Variants in AIRE observed in about 807,000 individuals in gnomAD.
The protein encoded by AIRE is autoimmune regulator, also known as autoimmune polyendocrinopathy candidiasis ectodermal dystrophy protein.
AIRE carries 52 observed loss-of-function variants against 62.1 expected under a neutral mutation model. The ratio of observed to expected loss-of-function variants is 0.84; its 90% confidence interval spans 0.67 to 1.06. AIRE has a LOEUF of 1.06. Among genes scored for constraint, AIRE ranks in the 50% least tolerant of loss-of-function variants. The pLI is 0.00. For missense variants in AIRE, 774 were observed against 755.8 expected (o/e 1.02, Z -0.28); for synonymous variants, 342 against 321.6 (o/e 1.06, Z -0.68).
chr21:44,287,093 C>T lies in AIRE; in HGVS notation c.423C>T (p.Ala141=), dbSNP rs572002344. The change falls in exon 3 of 14, where the codon GCC becomes GCT. Residue 141 remains alanine (A), a synonymous_variant. Transcript: ENST00000291582. This position sits in a 1 kb window ranked among gnomAD's most constrained non-coding sequence, Gnocchi z 4.3. ...AGGCCTCAGAAGAGGCTCGAGCTGC[C>T]GCGCCAGCAGCCCTGACTCCAAGGG... ...KRKASEEARA[A]APAALTPRGT... is the part of the protein sequence containing the mutation. 20 of 1,612,532 alleles carry T rather than the reference C, an allele frequency of 1.2e-5. No homozygotes were observed. Among genetic ancestry groups the T allele is most frequent in the African/African-American group, 8.0e-5 (6 of 75,028 alleles).
intron 13 of AIRE, among the ~76,000 whole-genome samples, chr21:44,296,663 C>T (rs1337636898): frequency 6.6e-6 from 1 of 150,790 alleles, no homozygotes. Flanking sequence ...GGAGCCCCCC[C>T]CGGCCCCTCC....
intron 13 of AIRE, 58 bp downstream of exon 13, chr21:44,296,503 G>A: frequency 6.6e-7 from 1 of 1,515,312 alleles, no homozygotes; most frequent in Non-Finnish European, 9.2e-7. Flanking sequence ...GCCTCAGCCG[G>A]CACCCAGGCT....
At chr21:44,292,177 G>A in intron 8 of AIRE, 125 bp from the exon 9 acceptor site, 1 of 790,186 alleles carries the variant, frequency 1.3e-6, no homozygotes, top group Non-Finnish European at 2.2e-6. Flanking sequence ...CCATCTCTCT[G>A]CTGTGCCTCG....
At chr21:44,292,202 A>G in intron 8 of AIRE, 100 bp from the exon 9 acceptor site, 1 of 961,942 alleles carries the variant, frequency 1.0e-6, no homozygotes, top group Non-Finnish European at 1.6e-6. Context: ...CCCCTCTGTG[A>G]AAAGACATGG....
intron 12 of AIRE, among the ~76,000 whole-genome samples, chr21:44,295,258 G>A (rs984289807): frequency 1.3e-5 from 2 of 152,196 alleles, no homozygotes; most frequent in African/African-American, 2.4e-5. Flanking sequence ...TACACCGTGT[G>A]GGTGACAGGC....
At position 44,298,346 on chromosome 21, in the gene AIRE, C is replaced by CA. The variant is rs778513360; in HGVS notation, c.*619_*620insA. On this transcript the variant is annotated 3_prime_UTR_variant, in exon 14 of 14. Transcript: ENST00000291582. Reference sequence around the variant, plus strand: ...TCCACTCTACTTTCTGTCTCTATGACTTCTCCAGGGACCTCATGGAAGTGG... The same window carrying CA: ...TCCACTCTACTTTCTGTCTCTATGACATTCTCCAGGGACCTCATGGAAGTGG... The CA allele has an allele frequency of 2.7e-4, 45 of 165,956 alleles. No homozygotes were observed. Among genetic ancestry groups the CA allele is most frequent in the African/African-American group, 7.0e-4 (29 of 41,714 alleles). The allele number at this position is 165,956 out of a possible 1,614,324, so 10.3% of individuals were successfully genotyped here.
At chr21:44,290,877 T>C (rs954417560) in intron 7 of AIRE, 14 of 1,606,056 alleles carry the variant, frequency 8.7e-6, no homozygotes, top group Admixed American at 1.7e-5. Context: ...TTCTTCCCAA[T>C]AGGGATGGCC....
chr21:44,295,820 C>T (rs140743143), intron 12 of AIRE, among the ~76,000 whole-genome samples: 57 of 152,090 alleles, frequency 3.7e-4, no homozygotes, highest in African/African-American at 1.1e-3. Flanking sequence ...CCGGGCAGCC[C>T]CTCCCTCAGC....
At chr21:44,290,748 C>T (rs984162166) in intron 7 of AIRE, 25 of 1,428,044 alleles carry the variant, frequency 1.8e-5, no homozygotes, top group Admixed American at 5.6e-5. Flanking sequence ...ATTCAGCAGG[C>T]GCTGAGGTCG....
In AIRE at chr21:44,287,014, C is replaced by A; in HGVS notation, c.344C>A (p.Pro115His). Residue 115 changes from proline to histidine, a missense_variant, in exon 3 of 14, where the codon CCC becomes CAC. Pro to His is a moderately conservative substitution (Grantham distance 77, BLOSUM62 -2). This residue lies in a region of AIRE where 385 missense variants were observed against 396.0 expected (regional missense o/e 0.97). Transcript: ENST00000291582. The surrounding 1 kb of genome is among the most constrained non-coding windows in gnomAD (Gnocchi z 4.3). ...DLSQPRKGRK[P>H]PAVPKALVPP... ...AGCCAGCCCCGGAAGGGGAGGAAGC[C>A]CCCGGCCGTCCCCAAGGCTTTGGTA... The A allele has an allele frequency of 3.1e-6, 5 of 1,612,826 alleles. No homozygotes were observed. Among genetic ancestry groups the A allele is most frequent in the Non-Finnish European group, 4.2e-6 (5 of 1,179,992 alleles).
At chr21:44,289,833 G>C (rs376612841) in intron 6 of AIRE, 31 bp downstream of exon 6, 14 of 1,611,758 alleles carry the variant, frequency 8.7e-6, no homozygotes, top group Non-Finnish European at 1.2e-5. Flanking sequence ...GGGGAGCCTG[G>C]CTCTTGATGC....
chr21:44,289,452 A>ACTT, intron 5 of AIRE: 1 of 631,912 alleles, frequency 1.6e-6, no homozygotes, highest in East Asian at 2.8e-5. Context: ...GTGGACGTGA[A>ACTT]CTTCGGGGGA....
chr21:44,295,304 C>T (rs2040594654), intron 12 of AIRE, among the ~76,000 whole-genome samples: 1 of 152,020 alleles, frequency 6.6e-6, no homozygotes, highest in Non-Finnish European at 1.5e-5. Flanking sequence ...GGGTGACAGC[C>T]TACCCCAGCG....
rs764314545 is a variant in AIRE, at chr21:44,296,457, C to T, written c.1566+12C>T. 8.9e-5 allele frequency: 144 copies of T among 1,610,014 alleles called. No homozygotes were observed. The highest frequency in any genetic ancestry group is 1.1e-4 in the Non-Finnish European group (134 of 1,177,688). ...CCCTTCTGAGCGAGGTAACGCCTCC[C>T]CTGGCCTCCTGGTGCTCCTCCACTC... On this transcript the variant is annotated intron_variant, in intron 13 of 13. Coordinates refer to ENST00000291582, the MANE Select transcript of AIRE (RefSeq NM_000383.4).
In AIRE at chr21:44,297,581, T is replaced by C. The variant is rs953689870; in HGVS notation, c.1567-75T>C. ...AGAGGGAAGGTTGGATGGTGACTTC[T>C]TGTAACGATGGCCATGATTCTGTGG... On this transcript the variant is annotated intron_variant, in intron 13 of 13. Coordinates refer to ENST00000291582, the MANE Select transcript of AIRE (RefSeq NM_000383.4). This position sits in a 1 kb window ranked among gnomAD's most constrained non-coding sequence, Gnocchi z 4.8. The C allele has an allele frequency of 1.5e-6, 2 of 1,371,850 alleles. No homozygotes were observed. The highest frequency in any genetic ancestry group is 2.1e-6 in the Non-Finnish European group (2 of 967,292). 85.0% of individuals were successfully genotyped at this position (1,371,850 alleles called of 1,614,324 possible).
At position 44,291,116 on chromosome 21, in the gene AIRE, G is replaced by C; in HGVS notation, c.901G>C (p.Val301Leu). The C allele has an allele frequency of 4.3e-6, 7 of 1,612,750 alleles. No individual in the cohort carries two copies. The highest frequency in any genetic ancestry group is 5.9e-6 in the Non-Finnish European group (7 of 1,179,840). The change falls in exon 8 of 14, where the codon GTG becomes CTG. Residue 301 changes from valine (V) to leucine (L), a missense_variant. Val to Leu is a conservative substitution (Grantham distance 32). Around this residue, in one of 3 missense-constraint regions of AIRE, gnomAD observed 35 missense variants for 63.7 expected, o/e 0.55. Transcript: ENST00000291582. Reference protein sequence around the residue: ...LHQKNEDECAVCRDGGELICC... With the variant: ...LHQKNEDECALCRDGGELICC... ...CCAGAAGAATGAGGACGAGTGTGCC[G>C]TGTGTCGGGACGGCGGGGAGCTCAT...
chr21:44,291,719 C>T (rs536372412), intron 8 of AIRE, among the ~76,000 whole-genome samples: 17 of 152,264 alleles, frequency 1.1e-4, no homozygotes, highest in African/African-American at 4.1e-4. Flanking sequence ...CCGAGCCCTG[C>T]CCCCATTCCA....
chr21:44,289,459 G>A (rs2040513469), intron 5 of AIRE, 198 bp from the exon 6 acceptor site: 1 of 652,258 alleles, frequency 1.5e-6, no homozygotes, highest in South Asian at 2.0e-5. Context: ...TGAACTTCGG[G>A]GGACGCTGTT....
At chr21:44,292,930 T>C in intron 9 of AIRE, 63 bp from the exon 10 acceptor site, 1 of 1,525,250 alleles carries the variant, frequency 6.6e-7, no homozygotes, top group Non-Finnish European at 9.1e-7. Context: ...CAGCAGTCAC[T>C]GACTCCTGGG....
Sources: allele counts gnomAD v4.1 joint callset (sites outside exome capture counted in the v4.1 genomes callset), GRCh38; gene constraint gnomAD v4.1.1; regional missense constraint gnomAD v4.1.1; non-coding constraint Gnocchi (gnomAD v3.1); transcripts MANE v1.5; gene names NCBI Gene and HGNC (gene_info 2026-07-23, HGNC 2026-07-21).